The following LRRC4C variants were observed in gnomAD, a reference collection of about 807,000 sequenced individuals.
The protein encoded by LRRC4C is leucine rich repeat containing 4C, also known as leucine-rich repeat-containing protein 4C.
A neutral mutation model predicts 33.6 loss-of-function variants in LRRC4C; 5 were observed. The observed-to-expected ratio is 0.15, with a 90% CI of 0.08 to 0.31. LRRC4C has a LOEUF of 0.31. Among genes scored for constraint, LRRC4C ranks in the 10% least tolerant of loss-of-function variants. The pLI is 1.00. For missense variants in LRRC4C, 560 were observed against 796.7 expected (o/e 0.70, Z 3.58); for synonymous variants, 329 against 302.0 (o/e 1.09, Z -0.93).
chr11:41,125,494 AATG>A (rs1315040694), intron 1 of LRRC4C, among the ~76,000 whole-genome samples: 2 of 152,212 alleles, frequency 1.3e-5, no homozygotes, highest in Admixed American at 1.3e-4. Context: ...TATGTTTTTT[AATG>A]ATAAGCAAGT....
chr11:40,984,350 GAGAAAGAAAGAAAAA>G (rs890117067), intron 1 of LRRC4C, among the ~76,000 whole-genome samples: 2 of 96,114 alleles, frequency 2.1e-5, no homozygotes, highest in Non-Finnish European at 4.4e-5. Flanking sequence ...AAGTAGGAAA[GAGAAAGAAAGAAAAA>G]AGAAAGAAAG....
At position 41,315,919 on chromosome 11, in the gene LRRC4C, T is replaced by C. The variant is rs186067753; in HGVS notation, c.-496+143512A>G. 5.3e-5 allele frequency among the ~76,000 whole-genome samples: 8 copies of C among 152,328 alleles called. No homozygotes were observed. In the East Asian group the frequency reaches 9.7e-4, roughly 18 times the overall value. On this transcript the variant is annotated intron_variant, in intron 1 of 6. Coordinates refer to ENST00000528697, the MANE Select transcript of LRRC4C (RefSeq NM_001258419.2). ...TTCACTATAAATGTTATCACTAAGA[T>C]GCAACATTAATTTAAATATGTTTAA...
intron 5 of LRRC4C, among the ~76,000 whole-genome samples, chr11:40,218,638 CTATT>C (rs3041083): frequency 0.14 from 19,935 of 147,066 alleles, 2,725 homozygotes; most frequent in African/African-American, 0.33. Context: ...ATGTATGTAT[CTATT>C]TATCTATCTA....
chr11:40,126,852 C>G (rs1033376671), intron 6 of LRRC4C, among the ~76,000 whole-genome samples: 1 of 151,700 alleles, frequency 6.6e-6, no homozygotes, highest in Admixed American at 6.6e-5. Flanking sequence ...CCCAGCTACT[C>G]GGGAGGCTGA....
intron 3 of LRRC4C, among the ~76,000 whole-genome samples, chr11:40,583,231 A>G (rs1958556964): frequency 6.6e-6 from 1 of 152,278 alleles, no homozygotes; most frequent in African/African-American, 2.4e-5. Flanking sequence ...GTTATTACCT[A>G]TGAAATCCCA....
At chr11:40,209,802 AAG>A (rs796984067) in intron 5 of LRRC4C, among the ~76,000 whole-genome samples, 17 of 152,336 alleles carry the variant, frequency 1.1e-4, no homozygotes, top group African/African-American at 4.1e-4. Flanking sequence ...TCTAGTGAAA[AAG>A]AATAATGTAA....
chr11:40,264,230 C>A (rs1359017565), intron 4 of LRRC4C, among the ~76,000 whole-genome samples: 1 of 152,146 alleles, frequency 6.6e-6, no homozygotes, highest in Admixed American at 6.5e-5. Flanking sequence ...CTTTCCTTTC[C>A]AGGAAGAAAC....
At chr11:41,062,143 A>C (rs1937824915) in intron 1 of LRRC4C, among the ~76,000 whole-genome samples, 1 of 152,262 alleles carries the variant, frequency 6.6e-6, no homozygotes, top group Non-Finnish European at 1.5e-5. Context: ...AGTTTGTTAC[A>C]TAGGTAAACC....
At chr11:40,315,334 T>C (rs1945523402) in intron 4 of LRRC4C, among the ~76,000 whole-genome samples, 2 of 151,902 alleles carry the variant, frequency 1.3e-5, no homozygotes, top group African/African-American at 4.8e-5. Context: ...TTTGCTTAGT[T>C]TGCAATTTAT....
chr11:40,297,611 CG>C lies in LRRC4C; in HGVS notation c.-176+22016del, dbSNP rs368475861. Among the ~76,000 whole-genome samples the C allele has an allele frequency of 1.5e-4, 23 of 151,818 alleles. No homozygotes were observed. The East Asian group carries it at 3.1e-3, about 21-fold the overall frequency. The stretch of plus-strand genomic sequence containing the variant: ...TTTCTGCTTTTTTTTCAAGGTCCCC[CG>C]CCGACCCATGATGGCTACTCCTCCA... On this transcript the variant is annotated intron_variant, in intron 4 of 6. Coordinates refer to ENST00000528697, the MANE Select transcript of LRRC4C (RefSeq NM_001258419.2).
At chr11:40,768,717 A>G (rs886841300) in intron 2 of LRRC4C, among the ~76,000 whole-genome samples, 1 of 152,168 alleles carries the variant, frequency 6.6e-6, no homozygotes, top group African/African-American at 2.4e-5. Context: ...ACATTGTATT[A>G]ACAGAAAGAA....
rs1590483897 is a variant in LRRC4C, at chr11:40,137,861, T to C, written c.-43+2940A>G. Among the ~76,000 whole-genome samples, 4 of 152,302 alleles carry C rather than the reference T, an allele frequency of 2.6e-5. No homozygotes were observed. The South Asian group carries it at 6.2e-4, about 24-fold the overall frequency. Reference sequence around the variant, plus strand: ...TAAACTATAAGTATTAGATAGACTTTGGGGATCAATAATTTTTAAACTTTG... The same window carrying C: ...TAAACTATAAGTATTAGATAGACTTCGGGGATCAATAATTTTTAAACTTTG... On this transcript the variant is annotated intron_variant, in intron 6 of 6. Transcript: ENST00000528697.
chr11:40,697,377 C>A (rs1464426879), intron 2 of LRRC4C, among the ~76,000 whole-genome samples: 1 of 151,856 alleles, frequency 6.6e-6, no homozygotes, highest in African/African-American at 2.4e-5. Flanking sequence ...TTTTAAGGAT[C>A]CAAAAAAAAT....
chr11:40,587,412 C>T (rs1335967451), intron 3 of LRRC4C, among the ~76,000 whole-genome samples: 5 of 148,160 alleles, frequency 3.4e-5, no homozygotes, highest in Admixed American at 1.4e-4. Flanking sequence ...ACAATCATGT[C>T]GTCTGCAAAC....
intron 3 of LRRC4C, among the ~76,000 whole-genome samples, chr11:40,451,595 C>G (rs528951966): frequency 1.1e-4 from 17 of 151,688 alleles, no homozygotes; most frequent in African/African-American, 3.9e-4. Flanking sequence ...CTATGTTGGC[C>G]AGGCTGGTCT....
chr11:40,673,929 C>G (rs10501240), intron 2 of LRRC4C, among the ~76,000 whole-genome samples: 23,517 of 152,152 alleles, frequency 0.15, 1,968 homozygotes, highest in Middle Eastern at 0.19. Context: ...ATTGTATATT[C>G]ATGAACCATC....
chr11:40,842,540 A>G (rs1818358333), intron 2 of LRRC4C, among the ~76,000 whole-genome samples: 1 of 152,140 alleles, frequency 6.6e-6, no homozygotes, highest in Admixed American at 6.6e-5. Flanking sequence ...TATTATTTTT[A>G]TGGTGAGAAC....
At chr11:40,836,584 T>C (rs929420343) in intron 2 of LRRC4C, among the ~76,000 whole-genome samples, 4 of 152,190 alleles carry the variant, frequency 2.6e-5, no homozygotes, top group Non-Finnish European at 5.9e-5. Context: ...AGCAAATTTA[T>C]TTTATAATAT....
At chr11:40,381,547 A>G (rs10837392) in intron 3 of LRRC4C, among the ~76,000 whole-genome samples, 1 of 152,198 alleles carries the variant, frequency 6.6e-6, no homozygotes, top group Non-Finnish European at 1.5e-5. Context: ...AGTATTTCAT[A>G]AAAGCAAATA....
Sources: allele counts gnomAD v4.1 joint callset (sites outside exome capture counted in the v4.1 genomes callset), GRCh38; gene constraint gnomAD v4.1.1; transcripts MANE v1.5; gene names NCBI Gene and HGNC (gene_info 2026-07-23, HGNC 2026-07-21).